Variants in ADK observed in about 807,000 individuals in gnomAD.
ADK encodes the protein adenosine kinase.
A neutral mutation model predicts 44.7 loss-of-function variants in ADK; 24 were observed. That is an observed-to-expected ratio of 0.54 (90% CI 0.39 to 0.76). The LOEUF is 0.76. Ranked by LOEUF, ADK falls within the 30% of genes least tolerant of loss-of-function variation. The probability of loss-of-function intolerance (pLI) is 0.00; values close to 1 mark genes in which losing one functional copy is unlikely to be tolerated. For synonymous variants in ADK, 128 were observed against 142.6 expected (o/e 0.90, Z 0.73); for missense variants, 321 against 425.1 (o/e 0.76, Z 2.15).
At chr10:74,372,318 A>C (rs1842685603) in intron 4 of ADK, 1 of 754,942 alleles carries the variant, frequency 1.3e-6, no homozygotes, top group East Asian at 2.4e-5. Flanking sequence ...TCAGTTCCCT[A>C]CTGAAGACTG....
chr10:74,272,188 C>T lies in ADK; in HGVS notation c.195-42479C>T, dbSNP rs549958550. Among the ~76,000 whole-genome samples the T allele has an allele frequency of 1.1e-4, 16 of 152,090 alleles. 1 individual carries two copies. In the South Asian group the frequency reaches 3.3e-3, roughly 32 times the overall value. ...AGGGATGTGAGAAATTTTTTTACTC[C>T]TCATTTCTGTTTATTCTCATCTATT... is the stretch of plus-strand genomic sequence containing the variant. On this transcript the variant is annotated intron_variant, in intron 3 of 10. Transcript: ENST00000539909.
chr10:74,266,819 A>T (rs545012789), intron 3 of ADK, among the ~76,000 whole-genome samples: 49 of 152,218 alleles, frequency 3.2e-4, no homozygotes, highest in Non-Finnish European at 6.0e-4. Flanking sequence ...ATTAAAAAAG[A>T]TAATTGAAAT....
chr10:74,304,973 C>T (rs1035693378), intron 3 of ADK, among the ~76,000 whole-genome samples: 2 of 152,122 alleles, frequency 1.3e-5, no homozygotes, highest in Non-Finnish European at 2.9e-5. Context: ...CGGGAACTTC[C>T]TCAGATACCA....
At chr10:74,219,878 A>G (rs1205021411) in intron 2 of ADK, among the ~76,000 whole-genome samples, 1 of 151,478 alleles carries the variant, frequency 6.6e-6, no homozygotes, top group African/African-American at 2.4e-5. Context: ...TAGTGTGTAG[A>G]GGGAAATTTA....
intron 7 of ADK, among the ~76,000 whole-genome samples, chr10:74,562,358 T>C (rs1384671518): frequency 6.6e-6 from 1 of 152,160 alleles, no homozygotes; most frequent in Non-Finnish European, 1.5e-5. Context: ...ATGAGAAGAC[T>C]AGGAGTCTGA....
intron 4 of ADK, among the ~76,000 whole-genome samples, chr10:74,378,010 A>T (rs1182158705): frequency 1.3e-5 from 2 of 152,110 alleles, no homozygotes; most frequent in African/African-American, 2.4e-5. Context: ...AGGTGTCTCA[A>T]ATTAAACCCT....
intron 6 of ADK, among the ~76,000 whole-genome samples, chr10:74,399,738 C>T (rs1384126822): frequency 6.6e-6 from 1 of 151,918 alleles, no homozygotes; most frequent in Non-Finnish European, 1.5e-5. Flanking sequence ...CTATTTCAAA[C>T]CATCTTACAC....
intron 2 of ADK, among the ~76,000 whole-genome samples, chr10:74,205,096 CA>C (rs1267179870): frequency 1.6e-4 from 14 of 87,612 alleles, no homozygotes; most frequent in African/African-American, 5.5e-4. Context: ...CACACCAAAA[CA>C]AAAAAACCCA....
intron 3 of ADK, among the ~76,000 whole-genome samples, chr10:74,267,203 G>GT (rs1054721570): frequency 6.6e-6 from 1 of 152,066 alleles, no homozygotes; most frequent in Admixed American, 6.5e-5. Flanking sequence ...ACTTATATTA[G>GT]TTTTTTTCCA....
chr10:74,504,225 T>A (rs1250858227), intron 6 of ADK, among the ~76,000 whole-genome samples: 2 of 151,974 alleles, frequency 1.3e-5, no homozygotes, highest in African/African-American at 2.4e-5. Context: ...ATAATTACTG[T>A]TGTTGTTTTT....
chr10:74,682,600 G>A (rs1274706692), intron 10 of ADK, among the ~76,000 whole-genome samples: 4 of 140,614 alleles, frequency 2.8e-5, no homozygotes, highest in Non-Finnish European at 4.5e-5. Context: ...TTGAGACGGA[G>A]TCTAGCTGTG....
intron 4 of ADK, among the ~76,000 whole-genome samples, chr10:74,363,592 C>A (rs1031593300): frequency 6.6e-6 from 1 of 151,890 alleles, no homozygotes; most frequent in Admixed American, 6.6e-5. Context: ...GGCTGGAGAA[C>A]CTGGTCTGAG....
chr10:74,532,500 A>G lies in ADK; in HGVS notation c.726+7074A>G, dbSNP rs1049978488. Among the ~76,000 whole-genome samples, 3 of 151,812 alleles carry G rather than the reference A, an allele frequency of 2.0e-5. 1 individual carries two copies. The highest frequency in any genetic ancestry group is 4.2e-4 in the South Asian group (2 of 4,812). Reference sequence around the variant, plus strand: ...CAAAAAAAAAAAAAAAACCCTTGGAATAGTAGAAGCATGAAAAAATCCAGA... The same window carrying G: ...CAAAAAAAAAAAAAAAACCCTTGGAGTAGTAGAAGCATGAAAAAATCCAGA... On this transcript the variant is annotated intron_variant, in intron 7 of 10. Transcript: ENST00000539909.
At chr10:74,301,711 C>T (rs560502207) in intron 3 of ADK, among the ~76,000 whole-genome samples, 24 of 151,926 alleles carry the variant, frequency 1.6e-4, no homozygotes, top group East Asian at 5.8e-4. Flanking sequence ...TCTCATTACC[C>T]ATAGAGCCCA....
At chr10:74,156,602 A>C (rs1203233218) in intron 1 of ADK, among the ~76,000 whole-genome samples, 1 of 152,198 alleles carries the variant, frequency 6.6e-6, no homozygotes, top group Non-Finnish European at 1.5e-5. Context: ...CCTGTGTCCA[A>C]AGTGTTTACA....
rs77689451 is a variant in ADK at position 74,338,232 on chromosome 10, C to T, written c.273+23487C>T. On this transcript the variant is annotated intron_variant, in intron 4 of 10. Transcript: ENST00000539909. The stretch of plus-strand genomic sequence containing the variant: ...GCCATTAGAGAAGTGCAAATTAAAA[C>T]TATAAGATACTGCTGCATACATATG... 7.5e-4 allele frequency among the ~76,000 whole-genome samples: 114 copies of T among 152,232 alleles called. 1 individual carries two copies. Among genetic ancestry groups the T allele is most frequent in the African/African-American group, 2.6e-3 (110 of 41,536 alleles).
At chr10:74,288,544 G>A (rs1293777020) in intron 3 of ADK, among the ~76,000 whole-genome samples, 3 of 152,120 alleles carry the variant, frequency 2.0e-5, no homozygotes, top group Non-Finnish European at 4.4e-5. Context: ...CAGCTACTCT[G>A]GAGGCTGAGG....
At chr10:74,514,296 G>A (rs564429767) in intron 6 of ADK, among the ~76,000 whole-genome samples, 9 of 152,152 alleles carry the variant, frequency 5.9e-5, no homozygotes, top group Non-Finnish European at 1.2e-4. Context: ...GGTCCTGTTT[G>A]AGGTGAATAT....
intron 6 of ADK, among the ~76,000 whole-genome samples, chr10:74,428,598 C>G (rs1306507054): frequency 1.3e-5 from 2 of 152,052 alleles, no homozygotes; most frequent in Non-Finnish European, 2.9e-5. Flanking sequence ...GAAAGTTGAC[C>G]AGCAAATGTG....
Sources: gnomAD v4.1 joint callset for allele counts (sites outside exome capture counted in the v4.1 genomes callset) on GRCh38, gnomAD v4.1.1 for gene constraint, MANE v1.5 for transcripts, NCBI Gene and HGNC (gene_info 2026-07-23, HGNC 2026-07-21) for gene names.